SPC25: variants seen among roughly 807,000 people sequenced by gnomAD.
SPC25 encodes SPC25 component of NDC80 kinetochore complex.
SPC25 carries 22 observed loss-of-function variants against 29.6 expected under a neutral mutation model. The observed-to-expected ratio is 0.74, with a 90% CI of 0.53 to 1.06. The LOEUF is 1.06. Ranked by LOEUF, SPC25 falls within the 50% of genes least tolerant of loss-of-function variation. The pLI is 0.00. For missense variants in SPC25, 230 were observed against 255.8 expected, an observed-to-expected ratio of 0.90 and a Z score of 0.69; for synonymous variants, 91 against 90.4, an observed-to-expected ratio of 1.01 and a Z score of -0.04.
downstream of SPC25, among the ~76,000 whole-genome samples, chr2:168,868,459 C>T (rs1185436741): frequency 6.6e-6 from 1 of 151,798 alleles, no homozygotes; most frequent in Non-Finnish European, 1.5e-5. Flanking sequence ...AGACAGCTAG[C>T]AAGACTAATT....
At chr2:168,867,033 T>G (rs545465044), downstream of SPC25, among the ~76,000 whole-genome samples, 14 of 152,264 alleles carry the variant, frequency 9.2e-5, no homozygotes, top group African/African-American at 3.4e-4. Flanking sequence ...GGTGGGACTG[T>G]AAACTAGTTC....
At chr2:168,878,277 T>C (rs1690122180) in intron 3 of SPC25, among the ~76,000 whole-genome samples, 1 of 152,236 alleles carries the variant, frequency 6.6e-6, no homozygotes, top group South Asian at 2.1e-4. Flanking sequence ...AATAATCCAC[T>C]AAGAGCAAAT....
chr2:168,882,586 G>A (rs1244573994), intron 3 of SPC25, among the ~76,000 whole-genome samples: 1 of 151,484 alleles, frequency 6.6e-6, no homozygotes, highest in Non-Finnish European at 1.5e-5. Flanking sequence ...TGGTGACAGG[G>A]CGAGACCCTG....
downstream of SPC25, among the ~76,000 whole-genome samples, chr2:168,866,614 A>G (rs1433858655): frequency 3.4e-4 from 52 of 151,558 alleles, no homozygotes; most frequent in African/African-American, 9.5e-4. Context: ...AACAAAAGCC[A>G]AAATTGACAA....
intron 4 of SPC25, among the ~76,000 whole-genome samples, chr2:168,862,606 T>C (rs1429937539): frequency 6.6e-6 from 1 of 152,044 alleles, no homozygotes; most frequent in Non-Finnish European, 1.5e-5. Context: ...TGGTCTCACT[T>C]ACTTCTCAGA....
Position 168,874,372 on chromosome 2 carries a change from C to T in SPC25, c.452-689G>A, listed in dbSNP as rs142666155. Among the ~76,000 whole-genome samples, 426 of 152,242 alleles carry T rather than the reference C, an allele frequency of 2.8e-3. 3 individuals carry two copies. The highest frequency in any genetic ancestry group is 9.7e-3 in the African/African-American group (404 of 41,554). ...TACAATATGACCCAGCAATTCCACT[C>T]CTAAGTATAGAGCTGAAAGAATTGA... On this transcript the variant is annotated intron_variant, in intron 5 of 6. Coordinates refer to ENST00000282074, the MANE Select transcript of SPC25 (RefSeq NM_020675.4).
At chr2:168,887,754 G>A (rs766436804) in intron 3 of SPC25, among the ~76,000 whole-genome samples, 1 of 152,146 alleles carries the variant, frequency 6.6e-6, no homozygotes, top group Non-Finnish European at 1.5e-5. Context: ...AAATAAGATG[G>A]CAAGAATAGT....
chr2:168,862,204 C>T (rs1192523694), intron 4 of SPC25, among the ~76,000 whole-genome samples: 1 of 152,246 alleles, frequency 6.6e-6, no homozygotes, highest in East Asian at 1.9e-4. Flanking sequence ...CAAAAGCTCG[C>T]ATAATGATAA....
chr2:168,886,767 C>T (rs906562817), intron 3 of SPC25, among the ~76,000 whole-genome samples: 5 of 152,138 alleles, frequency 3.3e-5, no homozygotes, highest in Non-Finnish European at 5.9e-5. Flanking sequence ...GATCCGCCCG[C>T]CTCAGCCTCC....
chr2:168,863,829 A>T (rs1356321659), intron 4 of SPC25, among the ~76,000 whole-genome samples: 1 of 152,222 alleles, frequency 6.6e-6, no homozygotes, highest in Non-Finnish European at 1.5e-5. Flanking sequence ...GACACCAAGA[A>T]AGAGTTTGGT....
At position 168,871,507 on chromosome 2, in the gene SPC25, T is replaced by C. The variant is rs1180443624; in HGVS notation, c.599A>G (p.Asn200Ser). ...TGAAAAATTGTTGGTCTTCCTTACA[T>C]TCTCTTGAAATTCTGCTAGGCCCTC... ...HLEGLAEFQE[N>S]VRKTNNFSAF... The change falls in exon 7 of 7, where the codon AAT becomes AGT. Residue 200 changes from asparagine (N) to serine (S), a missense_variant. By Grantham distance (46) the Asn-to-Ser change is conservative. Transcript: ENST00000282074. 1.2e-6 allele frequency: 2 copies of C among 1,609,872 alleles called. No individual in the cohort carries two copies. The highest frequency in any genetic ancestry group is 1.7e-6 in the Non-Finnish European group (2 of 1,178,552).
intron 4 of SPC25, among the ~76,000 whole-genome samples, chr2:168,876,607 T>TC (rs1392597494): frequency 2.1e-4 from 31 of 149,714 alleles, no homozygotes; most frequent in African/African-American, 7.8e-4. Context: ...TTTCTTTTTT[T>TC]TTTTTTTAAG....
intron 4 of SPC25, chr2:168,862,042 G>C (rs747422147): frequency 6.2e-7 from 1 of 1,613,852 alleles, no homozygotes; most frequent in Admixed American, 1.7e-5. Context: ...AGTTGAATTT[G>C]GAAAAGGGTA....
rs35221029 is a variant in SPC25 at position 168,871,960 on chromosome 2, TA to T, written c.551-406del. 1.2e-3 allele frequency among the ~76,000 whole-genome samples: 166 copies of T among 143,936 alleles called. 1 individual carries two copies. Among genetic ancestry groups the T allele is most frequent in the East Asian group, 2.2e-3 (11 of 4,980 alleles). The allele number at this position is 143,936 out of a possible 152,430, so 94.4% of individuals were successfully genotyped here. On this transcript the variant is annotated intron_variant, in intron 6 of 6. Coordinates refer to ENST00000282074, the MANE Select transcript of SPC25 (RefSeq NM_020675.4). ...ACTTTTCATTTCTGACCACTGGAAT[TA>T]AAAAAAAAAAAGGAACAATTTTCTT... is the stretch of plus-strand genomic sequence containing the variant.
At chr2:168,873,477 C>A in intron 6 of SPC25, 108 bp downstream of exon 6, 2 of 708,818 alleles carry the variant, frequency 2.8e-6, no homozygotes, top group East Asian at 2.7e-5. Context: ...AAAAAGGAAG[C>A]AATAGAGTCT....
Position 168,877,320 on chromosome 2 carries a change from T to A in SPC25, c.264A>T (p.Glu88Asp). 2 of 1,613,860 alleles carry A rather than the reference T, an allele frequency of 1.2e-6. No homozygotes were observed. Among genetic ancestry groups the A allele is most frequent in the Non-Finnish European group, 1.7e-6 (2 of 1,179,870 alleles). Residue 88 changes from glutamate to aspartate, a missense_variant, in exon 4 of 7, where the codon GAA (glutamate) becomes GAT (aspartate). By Grantham distance (45) the Glu-to-Asp change is conservative. Transcript: ENST00000282074. ...KKDNLLKLIA[E>D]VKGKKQELEV... ...CCAATTCCTGCTTTTTGCCTTTTAC[T>A]TCAGCAATCAATTTTAACAAGTTAT...
chr2:168,886,301 C>T (rs925489503), intron 3 of SPC25, among the ~76,000 whole-genome samples: 2 of 152,136 alleles, frequency 1.3e-5, no homozygotes, highest in Non-Finnish European at 2.9e-5. Context: ...GGCAATCCTC[C>T]TGCCTCAGCC....
intron 6 of SPC25, among the ~76,000 whole-genome samples, chr2:168,873,361 T>C (rs1690028935): frequency 1.3e-5 from 2 of 152,218 alleles, no homozygotes; most frequent in Admixed American, 1.3e-4. Context: ...ACTGTGGCAC[T>C]GTGCCATCCT....
At chr2:168,863,277 G>T in intron 4 of SPC25, 1 of 373,194 alleles carries the variant, frequency 2.7e-6, no homozygotes, top group Non-Finnish European at 3.7e-6. Flanking sequence ...TGACGAGGGA[G>T]AACTTAGAGA....
Sources: allele counts gnomAD v4.1 joint callset (sites outside exome capture counted in the v4.1 genomes callset), GRCh38; gene constraint gnomAD v4.1.1; transcripts MANE v1.5; gene names NCBI Gene and HGNC (gene_info 2026-07-23, HGNC 2026-07-21).